The following POLA1 variants were observed in gnomAD, a reference collection of about 807,000 sequenced individuals.
POLA1 encodes the protein DNA polymerase alpha catalytic subunit.
POLA1 carries 15 observed loss-of-function variants against 124.0 expected under a neutral mutation model. The ratio of observed to expected loss-of-function variants is 0.12; its 90% CI spans 0.08 to 0.19. POLA1 has a LOEUF of 0.19. Ranked by LOEUF, POLA1 falls within the 10% of genes least tolerant of loss-of-function variation. POLA1 has a pLI of 1.00. For synonymous variants in POLA1, 408 were observed against 389.4 expected (o/e 1.05, Z -0.56); for missense variants, 886 against 1,103.4 (o/e 0.80, Z 2.79).
At chrX:24,946,188 C>T (rs2047958486) in intron 36 of POLA1, among the ~76,000 whole-genome samples, 1 of 111,022 alleles carries the variant, frequency 9.0e-6, no homozygotes, top group African/African-American at 3.3e-5. Context: ...TTTCTGAGAC[C>T]ATTCCCACCT....
chrX:24,715,059 C>G lies in POLA1; in HGVS notation c.463-82C>G, dbSNP rs1234728224. ...GCAAGGACTAACTGGCTAGGTCCTT[C>G]CTTTCATATACATGTGTGTAGTTTT... On this transcript the variant is annotated intron_variant, in intron 5 of 36. Coordinates refer to ENST00000379068, the MANE Select transcript of POLA1 (RefSeq NM_001330360.2). 3 of 663,418 alleles carry G rather than the reference C, an allele frequency of 4.5e-6. No homozygotes were observed. The East Asian group carries it at 9.7e-5, about 21-fold the overall frequency. The allele number at this position is 663,418 out of a possible 1,213,427, so 54.7% of individuals were successfully genotyped here.
At chrX:24,805,050 C>T (rs1279203783) in intron 26 of POLA1, among the ~76,000 whole-genome samples, 1 of 111,294 alleles carries the variant, frequency 9.0e-6, no homozygotes, top group Non-Finnish European at 1.9e-5. Flanking sequence ...CTAGTTCCCA[C>T]TACCCTTTTC....
intron 36 of POLA1, among the ~76,000 whole-genome samples, chrX:24,994,509 G>T (rs2048576682): frequency 8.9e-6 from 1 of 112,322 alleles, no homozygotes; most frequent in Non-Finnish European, 1.9e-5. Flanking sequence ...CAGGCCCTTT[G>T]GCACAGGCCA....
At chrX:24,993,784 A>T (rs1042923308) in intron 36 of POLA1, among the ~76,000 whole-genome samples, 8 of 111,652 alleles carry the variant, frequency 7.2e-5, no homozygotes, top group South Asian at 7.6e-4. Flanking sequence ...GGGAGCTTTT[A>T]TCTGCATCTC....
At chrX:24,972,333 G>T (rs769127799) in intron 36 of POLA1, among the ~76,000 whole-genome samples, 4 of 112,100 alleles carry the variant, frequency 3.6e-5, no homozygotes, top group African/African-American at 1.3e-4. Context: ...ATATTCAGAA[G>T]AACTTAGGGG....
rs764618354 is a variant in POLA1, at chrX:24,947,246, C to CTTTTT, written c.4261+16732_4261+16736dup. Among the ~76,000 whole-genome samples, 30 of 21,620 alleles carry CTTTTT rather than the reference C, an allele frequency of 1.4e-3. 9 individuals carry two copies. The highest frequency in any genetic ancestry group is 2.0e-3 in the Non-Finnish European group (24 of 11,987). 18.8% of individuals were successfully genotyped at this position (21,620 alleles called of 115,157 possible). On this transcript the variant is annotated intron_variant, in intron 36 of 36. Coordinates refer to ENST00000379068, the MANE Select transcript of POLA1 (RefSeq NM_001330360.2). ...CAGCTGGTTGTTTTCCCTGCAGATT[C>CTTTTT]TTTTTTTTTTTTTTTTTTTTTTTTT...
At chrX:24,813,006 T>A (rs2148499121) in intron 29 of POLA1, 143 bp downstream of exon 29, 1 of 382,998 alleles carries the variant, frequency 2.6e-6, no homozygotes, top group South Asian at 6.1e-5. Flanking sequence ...GAATTATTAA[T>A]CATTCTTATT....
chrX:24,877,915 G>GTTTTTT (rs5901765), intron 34 of POLA1, among the ~76,000 whole-genome samples: 1 of 95,763 alleles, frequency 1.0e-5, no homozygotes, highest in African/African-American at 3.8e-5. Context: ...GTTTTTTTTT[G>GTTTTTT]TTTTTTTTTT....
At chrX:24,926,079 G>A (rs1350698850) in intron 35 of POLA1, among the ~76,000 whole-genome samples, 3 of 106,850 alleles carry the variant, frequency 2.8e-5, no homozygotes, top group East Asian at 2.9e-4. Context: ...GGTGGCACGC[G>A]CCTGTGGTGC....
chrX:24,790,911 G>GTATATATATATATATATATA (rs56343314), intron 26 of POLA1, among the ~76,000 whole-genome samples: 3 of 78,300 alleles, frequency 3.8e-5, no homozygotes, highest in South Asian at 6.2e-4. Flanking sequence ...TTATGTATAT[G>GTATATATATATATATATATA]TATATATATA....
intron 35 of POLA1, among the ~76,000 whole-genome samples, chrX:24,927,602 G>A (rs968723764): frequency 8.9e-6 from 1 of 111,758 alleles, no homozygotes; most frequent in Admixed American, 9.6e-5. Flanking sequence ...AATCACAGTC[G>A]GCCACTTTGG....
chrX:24,967,949 T>G (rs752488316), intron 36 of POLA1, among the ~76,000 whole-genome samples: 6 of 111,763 alleles, frequency 5.4e-5, no homozygotes, highest in Non-Finnish European at 9.4e-5. Flanking sequence ...CATCAACAAT[T>G]TAAACTGCGA....
At chrX:24,900,473 A>G (rs1569355061) in intron 35 of POLA1, among the ~76,000 whole-genome samples, 1 of 112,359 alleles carries the variant, frequency 8.9e-6, no homozygotes. Flanking sequence ...GGATAAGGGC[A>G]GAACATTCTT....
intron 26 of POLA1, among the ~76,000 whole-genome samples, chrX:24,757,222 C>T (rs969764087): frequency 2.2e-4 from 24 of 110,482 alleles, no homozygotes; most frequent in East Asian, 8.5e-4. Context: ...TCTAAATTCC[C>T]GGCAGTTCTT....
In POLA1 at chrX:24,930,563, C is replaced by G; in HGVS notation, c.4261+14C>G. On this transcript the variant is annotated intron_variant, in intron 36 of 36. Transcript: ENST00000379068. Reference sequence around the variant, plus strand: ...ATCATGAGAAAGGTACGTTAAAATACTGTAATTACCTTTGAGTTTAAAGTG... The same window carrying G: ...ATCATGAGAAAGGTACGTTAAAATAGTGTAATTACCTTTGAGTTTAAAGTG... The G allele has an allele frequency of 1.0e-6, 1 of 998,700 alleles. No individual in the cohort carries two copies. The highest frequency in any genetic ancestry group is 1.4e-6 in the Non-Finnish European group (1 of 701,605). 82.3% of individuals were successfully genotyped at this position (998,700 alleles called of 1,213,427 possible). A position where few individuals can be genotyped will look rare whatever the true frequency, so the allele number is the denominator to read the frequency against.
intron 36 of POLA1, among the ~76,000 whole-genome samples, chrX:24,932,392 G>GAGATTT (rs772135769): frequency 8.9e-6 from 1 of 112,146 alleles, no homozygotes; most frequent in Non-Finnish European, 1.9e-5. Flanking sequence ...AAAGTCACTG[G>GAGATTT]AGATTTAGCC....
At chrX:24,960,419 C>G (rs11573500) in intron 36 of POLA1, among the ~76,000 whole-genome samples, 18 of 111,845 alleles carry the variant, frequency 1.6e-4, no homozygotes, top group Admixed American at 1.5e-3. Flanking sequence ...ATTGAAGTGG[C>G]TTCGAGGACC....
At chrX:24,706,683 CCTTT>C (rs1030455109) in intron 4 of POLA1, among the ~76,000 whole-genome samples, 4 of 111,807 alleles carry the variant, frequency 3.6e-5, no homozygotes, top group African/African-American at 1.3e-4. Context: ...GTACTAACAA[CCTTT>C]CTAAGTAAAA....
At chrX:24,845,110 T>A (rs1039574193) in intron 34 of POLA1, among the ~76,000 whole-genome samples, 1 of 112,237 alleles carries the variant, frequency 8.9e-6, no homozygotes, top group Admixed American at 9.5e-5. Context: ...AAATATGCCC[T>A]GACTGAAAGA....
Sources: allele counts gnomAD v4.1 joint callset (sites outside exome capture counted in the v4.1 genomes callset), GRCh38; gene constraint gnomAD v4.1.1; transcripts MANE v1.5; gene names NCBI Gene and HGNC (gene_info 2026-07-23, HGNC 2026-07-21).